NCOA2: variants seen among roughly 807,000 people sequenced by gnomAD.
NCOA2 encodes the protein class E basic helix-loop-helix protein 75.
Under a neutral mutation model 145.1 loss-of-function variants are expected in NCOA2, and 21 were observed. That is an observed-to-expected ratio of 0.14 (90% CI 0.10 to 0.21). The LOEUF (loss-of-function observed/expected upper bound fraction) is 0.21, where lower values mean the gene tolerates loss of function less well. Among genes scored for constraint, NCOA2 ranks in the 10% least tolerant of loss-of-function variants. NCOA2 has a pLI of 1.00. For missense variants in NCOA2, 1,472 were observed against 1,837.6 expected (o/e 0.80, Z 3.64); for synonymous variants, 619 against 637.5 (o/e 0.97, Z 0.44).
intron 9 of NCOA2, among the ~76,000 whole-genome samples, chr8:70,160,688 A>AGAGAGAGAGAGG (rs1812877369): frequency 1.3e-5 from 2 of 148,188 alleles, no homozygotes; most frequent in African/African-American, 5.3e-5. Context: ...AGAGGGAGAG[A>AGAGAGAGAGAGG]GAGAGAGAGA....
At chr8:70,286,465 A>G (rs1826239879) in intron 2 of NCOA2, among the ~76,000 whole-genome samples, 1 of 152,226 alleles carries the variant, frequency 6.6e-6, no homozygotes, top group Non-Finnish European at 1.5e-5. Context: ...AAACTTTTCA[A>G]GAGACTTAAC....
At chr8:70,267,941 T>C (rs1306966877) in intron 2 of NCOA2, among the ~76,000 whole-genome samples, 1 of 152,232 alleles carries the variant, frequency 6.6e-6, no homozygotes, top group Non-Finnish European at 1.5e-5. Context: ...TTTCACAAAA[T>C]CGTTTTTCAT....
intron 1 of NCOA2, among the ~76,000 whole-genome samples, chr8:70,343,871 C>T (rs1001662397): frequency 1.3e-5 from 2 of 151,658 alleles, no homozygotes; most frequent in African/African-American, 4.8e-5. Flanking sequence ...AAAACATAAT[C>T]TTTCTAGAAA....
At chr8:70,244,813 C>T (rs891476972) in intron 2 of NCOA2, among the ~76,000 whole-genome samples, 1 of 152,136 alleles carries the variant, frequency 6.6e-6, no homozygotes, top group Admixed American at 6.6e-5. Flanking sequence ...AAAAACACTA[C>T]ACAAACACAA....
rs1812387006 is a variant in NCOA2 at position 70,157,118 on chromosome 8, T to A, written c.1247A>T (p.Asp416Val). The change falls in exon 11 of 23, where the codon GAC becomes GTC. Residue 416 changes from aspartate (D) to valine (V), a missense_variant. By Grantham distance (152) the Asp-to-Val change is radical. Coordinates refer to ENST00000452400, the MANE Select transcript of NCOA2 (RefSeq NM_006540.4). ...ATTTATATTGCTACTGAGGGTCATG[T>A]CCTGACCTGGGTTCCCACTGCACAG... ...QALCSGNPGQDMTLSSNINFP... is the reference protein window; with the variant it reads ...QALCSGNPGQVMTLSSNINFP... 1 of 1,613,982 alleles carries A rather than the reference T, an allele frequency of 6.2e-7. No homozygotes were observed. Among genetic ancestry groups the A allele is most frequent in the Non-Finnish European group, 8.5e-7 (1 of 1,179,864 alleles).
intron 4 of NCOA2, among the ~76,000 whole-genome samples, chr8:70,186,424 T>G (rs1816075557): frequency 1.3e-5 from 2 of 152,170 alleles, no homozygotes; most frequent in Non-Finnish European, 2.9e-5. Flanking sequence ...CCTTATGAAC[T>G]CGGCACTACC....
intron 2 of NCOA2, among the ~76,000 whole-genome samples, chr8:70,277,751 A>G (rs1825572730): frequency 6.6e-6 from 1 of 152,194 alleles, no homozygotes; most frequent in Non-Finnish European, 1.5e-5. Context: ...ACTACAATTT[A>G]TCCATCCTTC....
intron 1 of NCOA2, among the ~76,000 whole-genome samples, chr8:70,342,803 ACAC>A (rs1808260318): frequency 6.7e-6 from 1 of 149,710 alleles, no homozygotes; most frequent in Non-Finnish European, 1.5e-5. Context: ...ACACACACAC[ACAC>A]ACACACACAC....
At chr8:70,441,489 G>A in the NCOA2 span, among the ~76,000 whole-genome samples, 1 of 134,158 alleles carries the variant, frequency 7.5e-6, no homozygotes, top group African/African-American at 2.8e-5. Context: ...AAGCAAAGAA[G>A]GGAAAGAAAG....
intron 1 of NCOA2, among the ~76,000 whole-genome samples, chr8:70,395,979 C>T (rs542322070): frequency 6.6e-6 from 1 of 152,204 alleles, no homozygotes; most frequent in African/African-American, 2.4e-5. Flanking sequence ...AAAGAGTTCC[C>T]TGAAAGCTCT....
intron 2 of NCOA2, among the ~76,000 whole-genome samples, chr8:70,239,266 G>A (rs1269075824): frequency 6.6e-6 from 1 of 152,152 alleles, no homozygotes; most frequent in South Asian, 2.1e-4. Flanking sequence ...GCCTTGCAAT[G>A]GCAACTGAAT....
intron 2 of NCOA2, among the ~76,000 whole-genome samples, chr8:70,244,138 G>T (rs1022640859): frequency 1.3e-5 from 2 of 151,916 alleles, no homozygotes; most frequent in Non-Finnish European, 2.9e-5. Flanking sequence ...TTTCAAAAGG[G>T]AACTGTATAC....
chr8:70,351,011 CAAGAGAGCAT>C (rs1324525908), intron 1 of NCOA2, among the ~76,000 whole-genome samples: 2 of 152,200 alleles, frequency 1.3e-5, no homozygotes, highest in Non-Finnish European at 2.9e-5. Context: ...GGTGGAAGGA[CAAGAGAGCAT>C]GAGAGAGCAA....
At chr8:70,448,681 A>G in the NCOA2 span, among the ~76,000 whole-genome samples, 2 of 152,318 alleles carry the variant, frequency 1.3e-5, no homozygotes, top group South Asian at 4.2e-4. Context: ...TGTAGAAAAA[A>G]ATGTTAAAAT....
chr8:70,393,644 T>C (rs1380954107), intron 1 of NCOA2, among the ~76,000 whole-genome samples: 1 of 152,124 alleles, frequency 6.6e-6, no homozygotes, highest in African/African-American at 2.4e-5. Context: ...AACCCACATG[T>C]AGGGCCAGGC....
rs760810187 is a variant in NCOA2, at chr8:70,157,004, T to A, written c.1361A>T (p.Gln454Leu). Reference protein sequence around the residue: ...SGGMNHVSGMQATTPQGSNYA... With the variant: ...SGGMNHVSGMLATTPQGSNYA... ...GTTACTACCCTGAGGAGTGGTTGCT[T>A]GCATGCCTGACACATGGTTCATTCC... Residue 454 changes from glutamine to leucine, a missense_variant, in exon 11 of 23, where the codon CAA (glutamine) becomes CTA (leucine). Physicochemically the swap from Gln to Leu is moderately radical, Grantham distance 113. This residue lies in a region of NCOA2 where 953 missense variants were observed against 1,062.1 expected (regional missense o/e 0.90). Transcript: ENST00000452400. 1.9e-6 allele frequency: 3 copies of A among 1,613,950 alleles called. No individual in the cohort carries two copies. The highest frequency in any genetic ancestry group is 1.7e-6 in the Non-Finnish European group (2 of 1,179,906).
At chr8:70,241,753 T>A (rs1822155595) in intron 2 of NCOA2, among the ~76,000 whole-genome samples, 1 of 152,086 alleles carries the variant, frequency 6.6e-6, no homozygotes, top group South Asian at 2.1e-4. Context: ...CCTCTCCATG[T>A]CTCCATCTCC....
At chr8:70,279,330 T>C (rs1825703627) in intron 2 of NCOA2, among the ~76,000 whole-genome samples, 1 of 152,186 alleles carries the variant, frequency 6.6e-6, no homozygotes, top group African/African-American at 2.4e-5. Flanking sequence ...GTGAGTGAAA[T>C]GTGTCTTTTC....
intron 2 of NCOA2, among the ~76,000 whole-genome samples, chr8:70,239,668 C>CAA (rs1821953803): frequency 1.3e-5 from 2 of 152,290 alleles, no homozygotes; most frequent in South Asian, 4.1e-4. Flanking sequence ...TGGCTTGGCA[C>CAA]AAAAGTTCTA....
Sources: gnomAD v4.1 joint callset for allele counts (sites outside exome capture counted in the v4.1 genomes callset) on GRCh38, gnomAD v4.1.1 for gene constraint, gnomAD v4.1.1 regional missense constraint, MANE v1.5 for transcripts, NCBI Gene and HGNC (gene_info 2026-07-23, HGNC 2026-07-21) for gene names.